Variants in FER observed in about 807,000 individuals in gnomAD.
The protein encoded by FER is tyrosine-protein kinase Fer.
A neutral mutation model predicts 111.0 loss-of-function variants in FER; 63 were observed. The observed-to-expected ratio is 0.57, with a 90% CI of 0.46 to 0.70. The LOEUF is 0.70. Ranked by LOEUF, FER falls within the 30% of genes least tolerant of loss-of-function variation. FER has a pLI of 0.00. For missense variants in FER, 914 were observed against 954.0 expected, an observed-to-expected ratio of 0.96 and a Z score of 0.55; for synonymous variants, 327 against 313.9, an observed-to-expected ratio of 1.04 and a Z score of -0.44.
At chr5:108,825,255 CTG>C (rs1011607197) in intron 3 of FER, among the ~76,000 whole-genome samples, 24 of 152,154 alleles carry the variant, frequency 1.6e-4, no homozygotes, top group African/African-American at 5.1e-4. Flanking sequence ...CTATGGGAGA[CTG>C]GAGTTTATTT....
At chr5:109,177,575 C>A (rs1757843250) in intron 17 of FER, 1 of 152,190 alleles carries the variant, frequency 6.6e-6, no homozygotes. Flanking sequence ...ATTGTGCTTT[C>A]TAGACAGTGA....
At chr5:108,980,368 A>G (rs979590918) in intron 13 of FER, among the ~76,000 whole-genome samples, 3 of 152,134 alleles carry the variant, frequency 2.0e-5, no homozygotes, top group Non-Finnish European at 4.4e-5. Flanking sequence ...AGAAGAGTAA[A>G]GACCAAGAAA....
At chr5:109,042,176 G>A (rs996170324) in intron 14 of FER, among the ~76,000 whole-genome samples, 1 of 152,108 alleles carries the variant, frequency 6.6e-6, no homozygotes, top group Non-Finnish European at 1.5e-5. Flanking sequence ...AAGATTAACC[G>A]AGGACCAGGG....
intron 16 of FER, among the ~76,000 whole-genome samples, chr5:109,055,258 G>A (rs1773468080): frequency 6.6e-6 from 1 of 152,068 alleles, no homozygotes; most frequent in Non-Finnish European, 1.5e-5. Flanking sequence ...CCTTGGTGAT[G>A]ATTTTTTGGA....
At chr5:109,106,372 CTGT>C (rs1748932416) in intron 17 of FER, among the ~76,000 whole-genome samples, 1 of 152,020 alleles carries the variant, frequency 6.6e-6, no homozygotes, top group Non-Finnish European at 1.5e-5. Context: ...TTTTTATATA[CTGT>C]TGTTTAGAAT....
rs180755445 is a variant in FER at position 109,052,645 on chromosome 5, C to T, written c.1924+5447C>T. Among the ~76,000 whole-genome samples the T allele has an allele frequency of 1.2e-4, 18 of 152,270 alleles. No individual in the cohort carries two copies. In the Middle Eastern group the frequency reaches 0.01, roughly 86 times the overall value. On this transcript the variant is annotated intron_variant, in intron 16 of 19. Coordinates refer to ENST00000281092, the MANE Select transcript of FER (RefSeq NM_005246.4). ...CCCAATGAAAGAAAAGTGCTGATAC[C>T]TCGTAAAAGCTGCTACTCTCTACTT... is the stretch of plus-strand genomic sequence containing the variant.
At chr5:108,749,559 A>C (rs79001324) in intron 1 of FER, among the ~76,000 whole-genome samples, 11,313 of 152,048 alleles carry the variant, frequency 0.074, 499 homozygotes, top group South Asian at 0.092. Flanking sequence ...GGAGCCCCGC[A>C]GTCTCCCTTG....
intron 10 of FER, among the ~76,000 whole-genome samples, chr5:108,923,377 G>C (rs748743883): frequency 1.3e-5 from 2 of 152,020 alleles, no homozygotes; most frequent in African/African-American, 4.8e-5. Context: ...TAATTATAAA[G>C]GGAGCCAAAG....
At chr5:108,797,672 C>T (rs1344542143) in intron 2 of FER, among the ~76,000 whole-genome samples, 5 of 152,152 alleles carry the variant, frequency 3.3e-5, no homozygotes, top group South Asian at 2.1e-4. Flanking sequence ...CCTCTTTCAG[C>T]GATAGGAAGT....
intron 17 of FER, among the ~76,000 whole-genome samples, chr5:109,159,043 AC>A (rs1322831853): frequency 6.6e-6 from 1 of 152,150 alleles, no homozygotes; most frequent in Non-Finnish European, 1.5e-5. Context: ...ATGTTTAATC[AC>A]ATTTTTTAAA....
intron 16 of FER, among the ~76,000 whole-genome samples, chr5:109,050,119 A>C (rs1772571436): frequency 6.6e-6 from 1 of 152,202 alleles, no homozygotes; most frequent in Non-Finnish European, 1.5e-5. Context: ...ACAGTACTAA[A>C]ATTCTGTCAT....
In FER at chr5:108,852,303, TGTAGA is replaced by T. The variant is rs372829412; in HGVS notation, c.482-15460_482-15456del. On this transcript the variant is annotated intron_variant, in intron 5 of 19. Transcript: ENST00000281092. Reference sequence around the variant, plus strand: ...TTGATTAGATCTGTTGAGTTGTCTCTGTAGAGTACTTTAATTATGAAAACCAGTTT... The same window carrying T: ...TTGATTAGATCTGTTGAGTTGTCTCTGTACTTTAATTATGAAAACCAGTTT... 2.0e-3 allele frequency among the ~76,000 whole-genome samples: 300 copies of T among 152,322 alleles called. 3 individuals carry two copies. Among genetic ancestry groups the T allele is most frequent in the African/African-American group, 6.8e-3 (284 of 41,586 alleles).
intron 3 of FER, among the ~76,000 whole-genome samples, chr5:108,802,676 C>G (rs746057271): frequency 5.3e-5 from 8 of 152,058 alleles, no homozygotes; most frequent in Non-Finnish European, 1.0e-4. Flanking sequence ...CATGTTGCTG[C>G]AAAGGGCATG....
chr5:108,917,709 T>G lies in FER; in HGVS notation c.1236+19861T>G, dbSNP rs540280974. Among the ~76,000 whole-genome samples, 3 of 152,294 alleles carry G rather than the reference T, an allele frequency of 2.0e-5. No homozygotes were observed. In the East Asian group the frequency reaches 5.8e-4, roughly 29 times the overall value. Reference sequence around the variant, plus strand: ...TCAAACAAATGATTAACAGGAAGTATGAAAAAGGTGATACTTTAAGCTTCA... The same window carrying G: ...TCAAACAAATGATTAACAGGAAGTAGGAAAAAGGTGATACTTTAAGCTTCA... On this transcript the variant is annotated intron_variant, in intron 10 of 19. Coordinates refer to ENST00000281092, the MANE Select transcript of FER (RefSeq NM_005246.4).
intron 17 of FER, 48 bp from the exon 18 acceptor site, chr5:109,180,699 C>G: frequency 1.3e-6 from 2 of 1,547,236 alleles, no homozygotes; most frequent in Non-Finnish European, 1.7e-6. Context: ...GTGAAAGTGG[C>G]TTTCAATTTG....
chr5:108,773,543 T>C (rs1753153478), intron 2 of FER, among the ~76,000 whole-genome samples: 1 of 152,238 alleles, frequency 6.6e-6, no homozygotes, highest in Admixed American at 6.5e-5. Context: ...TTTTTATGGC[T>C]GCATAGTATT....
chr5:109,163,508 T>C (rs904506054), intron 17 of FER, among the ~76,000 whole-genome samples: 1 of 152,198 alleles, frequency 6.6e-6, no homozygotes, highest in Non-Finnish European at 1.5e-5. Context: ...TCACCAACAA[T>C]GTATGACAGC....
intron 17 of FER, among the ~76,000 whole-genome samples, chr5:109,136,297 T>TA: frequency 6.6e-6 from 1 of 150,622 alleles, no homozygotes; most frequent in South Asian, 2.1e-4. Context: ...CGTCTAAAAA[T>TA]AAAAAATAAA....
chr5:109,011,646 G>A (rs887170764), intron 13 of FER, among the ~76,000 whole-genome samples: 1 of 152,008 alleles, frequency 6.6e-6, no homozygotes, highest in Non-Finnish European at 1.5e-5. Flanking sequence ...TTTTAGCAGG[G>A]CTTTATCTTG....
Sources: allele counts gnomAD v4.1 joint callset (sites outside exome capture counted in the v4.1 genomes callset), GRCh38; gene constraint gnomAD v4.1.1; transcripts MANE v1.5; gene names NCBI Gene and HGNC (gene_info 2026-07-23, HGNC 2026-07-21).